Variants in SEMA3F observed in about 807,000 individuals in gnomAD.
SEMA3F encodes the protein semaphorin-3F.
In SEMA3F, 30 loss-of-function variants were observed where a neutral mutation model predicts 98.5. That is an observed-to-expected ratio of 0.30 (90% CI 0.23 to 0.41). SEMA3F has a LOEUF of 0.41. Ranked by LOEUF, SEMA3F falls within the 10% of genes least tolerant of loss-of-function variation. The pLI, the probability that SEMA3F is intolerant of heterozygous loss-of-function variation, is 1.00. For missense variants in SEMA3F, 866 were observed against 1,119.3 expected (o/e 0.77, Z 3.23); for synonymous variants, 380 against 444.8 (o/e 0.85, Z 1.83).
At position 50,182,897 on chromosome 3, in the gene SEMA3F, C is replaced by A. The variant is rs1230570656; in HGVS notation, c.904-7C>A. 1.2e-6 allele frequency: 2 copies of A among 1,613,336 alleles called. No individual in the cohort carries two copies. The highest frequency in any genetic ancestry group is 1.3e-5 in the African/African-American group (1 of 75,048). On this transcript the variant is annotated splice_polypyrimidine_tract_variant and splice_region_variant and intron_variant, in intron 9 of 18. Transcript: ENST00000002829. The surrounding 1 kb of genome is among the most constrained non-coding windows in gnomAD (Gnocchi z 4.5). ...GATCTGACCCGGCCTCTTGCCCCAC[C>A]CCCCAGAACGATGACGGTGGTCACT...
At chr3:50,179,421 G>A (rs1343542021) in intron 7 of SEMA3F, among the ~76,000 whole-genome samples, 1 of 151,884 alleles carries the variant, frequency 6.6e-6, no homozygotes, top group South Asian at 2.1e-4. Context: ...TGCCTCCTGG[G>A]TTCAAGCGAT....
At position 50,159,682 on chromosome 3, in the gene SEMA3F, C is replaced by T; in HGVS notation, c.60C>T (p.Phe20=). The change falls in exon 2 of 19, where the codon TTC becomes TTT. Residue 20 remains phenylalanine (F), a synonymous_variant. Coordinates refer to ENST00000002829, the MANE Select transcript of SEMA3F (RefSeq NM_004186.5). ...TACTGACCGGGGCCTGGCCATCCTTCCCCACCCAGGACCACCTCCCGGCCA... is the reference window on the plus strand; with the variant it reads ...TACTGACCGGGGCCTGGCCATCCTTTCCCACCCAGGACCACCTCCCGGCCA... The part of the protein sequence containing the change: ...ASLLTGAWPS[F]PTQDHLPATP... 1 of 1,613,160 alleles carries T rather than the reference C, an allele frequency of 6.2e-7. No individual in the cohort carries two copies. The highest frequency in any genetic ancestry group is 8.5e-7 in the Non-Finnish European group (1 of 1,179,684).
rs1449943960 is a variant in SEMA3F at position 50,182,306 on chromosome 3, G to A, written c.666G>A (p.Val222=). The change falls in exon 8 of 19, where the codon GTG becomes GTA. Residue 222 remains valine, a synonymous_variant. Transcript: ENST00000002829. This position sits in a 1 kb window ranked among gnomAD's most constrained non-coding sequence, Gnocchi z 4.5. Reference sequence around the variant, plus strand: ...CAGATGAGGAGCTCTATGCTGGTGTGTACATCGATTTTATGGGCACTGATG... The same window carrying A: ...CAGATGAGGAGCTCTATGCTGGTGTATACATCGATTTTATGGGCACTGATG... ...ALINEELYAG[V]YIDFMGTDAA... 4 of 1,614,118 alleles carry A rather than the reference G, an allele frequency of 2.5e-6. No homozygotes were observed. Among genetic ancestry groups the A allele is most frequent in the Non-Finnish European group, 3.4e-6 (4 of 1,180,042 alleles).
At chr3:50,185,330 C>A in intron 13 of SEMA3F, 113 bp from the exon 14 acceptor site, 1 of 963,724 alleles carries the variant, frequency 1.0e-6, no homozygotes, top group Non-Finnish European at 1.6e-6. Context: ...TGGCACAAAG[C>A]TCCAGCTCCA....
At position 50,158,584 on chromosome 3, in the gene SEMA3F, G is replaced by C. The variant is rs1169769606; in HGVS notation, c.-48-991G>C. ...ATGGGCCTGGGGTCCTGCCTGCCAC[G>C]GAAGAAGGGAGTACACAGGGCAGAT... On this transcript the variant is annotated intron_variant, in intron 1 of 18. Coordinates refer to ENST00000002829, the MANE Select transcript of SEMA3F (RefSeq NM_004186.5). This position sits in a 1 kb window ranked among gnomAD's most constrained non-coding sequence, Gnocchi z 4.8. Among the ~76,000 whole-genome samples the C allele has an allele frequency of 6.6e-6, 1 of 152,206 alleles. No individual in the cohort carries two copies. The highest frequency in any genetic ancestry group is 6.5e-5 in the Admixed American group (1 of 15,284).
chr3:50,170,029 G>A (rs1326209000), intron 2 of SEMA3F, among the ~76,000 whole-genome samples: 2 of 152,166 alleles, frequency 1.3e-5, no homozygotes, highest in Non-Finnish European at 2.9e-5. Context: ...CCTGTGACCT[G>A]GGTTGAGTAC....
At position 50,188,869 on chromosome 3, in the gene SEMA3F, G is replaced by T. The variant is rs1699337619; in HGVS notation, c.*754G>T. ...GCTGACGGGAGGCCCCAGCTCTGAG[G>T]GGAGGGGGTCCGTGGTAGAGGCCTG... On this transcript the variant is annotated 3_prime_UTR_variant, in exon 19 of 19. Transcript: ENST00000002829. The surrounding 1 kb of genome is among the most constrained non-coding windows in gnomAD (Gnocchi z 4.5). The T allele has an allele frequency of 6.6e-6, 1 of 152,576 alleles. No homozygotes were observed. Among genetic ancestry groups the T allele is most frequent in the Admixed American group, 6.5e-5 (1 of 15,296 alleles). The allele number at this position is 152,576 out of a possible 1,614,324, so 9.5% of individuals were successfully genotyped here.
chr3:50,175,967 A>G (rs1260897463), intron 6 of SEMA3F, among the ~76,000 whole-genome samples: 3 of 151,768 alleles, frequency 2.0e-5, no homozygotes, highest in Admixed American at 1.3e-4. Flanking sequence ...ACCTGCTGCC[A>G]CCTCCTCCTG....
In SEMA3F at chr3:50,176,880, C is replaced by T. The variant is rs370931293; in HGVS notation, c.643+19C>T. 3.0e-5 allele frequency: 48 copies of T among 1,588,200 alleles called. No individual in the cohort carries two copies. Among genetic ancestry groups the T allele is most frequent in the African/African-American group, 1.6e-4 (12 of 74,426 alleles). ...CTCATCAGTGAGTGCCCCCCAACCCCGCTCTACAGTCTCAATGTGTGGCCT... is the reference window on the plus strand; with the variant it reads ...CTCATCAGTGAGTGCCCCCCAACCCTGCTCTACAGTCTCAATGTGTGGCCT... On this transcript the variant is annotated intron_variant, in intron 7 of 18. Transcript: ENST00000002829.
Position 50,156,336 on chromosome 3 carries a change from G to GAGGC in SEMA3F, c.-49+772_-49+773insAGGC, listed in dbSNP as rs1697982062. Among the ~76,000 whole-genome samples, 1 of 152,264 alleles carries GAGGC rather than the reference G, an allele frequency of 6.6e-6. No individual in the cohort carries two copies. Among genetic ancestry groups the GAGGC allele is most frequent in the Non-Finnish European group, 1.5e-5 (1 of 68,044 alleles). Reference sequence around the variant, plus strand: ...AAAGTTGGCCTAGGAATGAGGCAGTGCTGGCGGGAGTTGGCTGGAGCTGGG... The same window carrying GAGGC: ...AAAGTTGGCCTAGGAATGAGGCAGTGAGGCCTGGCGGGAGTTGGCTGGAGCTGGG... On this transcript the variant is annotated intron_variant, in intron 1 of 18. Coordinates refer to ENST00000002829, the MANE Select transcript of SEMA3F (RefSeq NM_004186.5). The surrounding 1 kb of genome is among the most constrained non-coding windows in gnomAD (Gnocchi z 4.5).
chr3:50,187,566 C>T, intron 18 of SEMA3F, 139 bp from the exon 19 acceptor site: 1 of 554,598 alleles, frequency 1.8e-6, no homozygotes, highest in South Asian at 3.5e-5. Context: ...GTAGAAACTT[C>T]ATGTGGTTTT....
At position 50,186,272 on chromosome 3, in the gene SEMA3F, C is replaced by T. The variant is rs769085114; in HGVS notation, c.1746-9C>T. The stretch of plus-strand genomic sequence containing the variant: ...TGGGAGCACTCCTTCAGGGGCTATC[C>T]TCATCCAGGCGGAGCCGCCGGCAGG... On this transcript the variant is annotated splice_polypyrimidine_tract_variant and intron_variant, in intron 16 of 18. Transcript: ENST00000002829. 10 of 1,613,258 alleles carry T rather than the reference C, an allele frequency of 6.2e-6. No individual in the cohort carries two copies. In the Admixed American group the frequency reaches 1.7e-4, roughly 27 times the overall value.
rs1699220586 is a variant in SEMA3F, at chr3:50,186,528, G to T, written c.1814-85G>T. On this transcript the variant is annotated intron_variant, in intron 17 of 18. Coordinates refer to ENST00000002829, the MANE Select transcript of SEMA3F (RefSeq NM_004186.5). ...AACACAGAGCACTACATTGGTGAGT[G>T]GGTGCCCCTCGGTGCCTGCCCCGAA... 3 of 1,511,320 alleles carry T rather than the reference G, an allele frequency of 2.0e-6. No homozygotes were observed. The South Asian group carries it at 3.7e-5, about 19-fold the overall frequency. 93.6% of individuals were successfully genotyped at this position (1,511,320 alleles called of 1,614,324 possible).
intron 7 of SEMA3F, among the ~76,000 whole-genome samples, chr3:50,181,767 C>T (rs928017421): frequency 1.1e-4 from 17 of 152,098 alleles, no homozygotes; most frequent in African/African-American, 7.2e-5. Flanking sequence ...ATTACAGGCA[C>T]CTGCCACCAT....
In SEMA3F at chr3:50,182,829, G is replaced by T; in HGVS notation, c.903+46G>T. On this transcript the variant is annotated intron_variant, in intron 9 of 18. Transcript: ENST00000002829. This position sits in a 1 kb window ranked among gnomAD's most constrained non-coding sequence, Gnocchi z 4.5. The stretch of plus-strand genomic sequence containing the variant: ...CAGGCTGCCCCTTCCACCAGTTCTG[G>T]CTTCATCAGCCCTGCTCCAGCCAGG... 1 of 1,611,128 alleles carries T rather than the reference G, an allele frequency of 6.2e-7. No homozygotes were observed. The highest frequency in any genetic ancestry group is 8.5e-7 in the Non-Finnish European group (1 of 1,178,584).
chr3:50,185,654 A>G lies in SEMA3F; in HGVS notation c.1546-12A>G. On this transcript the variant is annotated splice_polypyrimidine_tract_variant and intron_variant, in intron 14 of 18. Transcript: ENST00000002829. ...TCCCTGGCATCCCAAGCTGATCTTT[A>G]TCTTTTTCTAGGATCCAGCACCCGT... 2 of 1,614,104 alleles carry G rather than the reference A, an allele frequency of 1.2e-6. No homozygotes were observed. The highest frequency in any genetic ancestry group is 8.5e-7 in the Non-Finnish European group (1 of 1,179,982).
chr3:50,157,902 C>T (rs532068284), intron 1 of SEMA3F, among the ~76,000 whole-genome samples: 2 of 152,272 alleles, frequency 1.3e-5, no homozygotes, highest in South Asian at 4.1e-4. Flanking sequence ...GCCCCCGTTA[C>T]ATAGTATCGA....
chr3:50,182,615 C>T lies in SEMA3F; in HGVS notation c.764-29C>T. On this transcript the variant is annotated intron_variant, in intron 8 of 18. Coordinates refer to ENST00000002829, the MANE Select transcript of SEMA3F (RefSeq NM_004186.5). This position sits in a 1 kb window ranked among gnomAD's most constrained non-coding sequence, Gnocchi z 4.5. ...ATCAGGGGCACCATCAGAGTAGGGG[C>T]TCACCCAGCTGACCCCTGCCACCTG... The T allele has an allele frequency of 1.2e-6, 2 of 1,606,028 alleles. No homozygotes were observed. The highest frequency in any genetic ancestry group is 1.7e-6 in the Non-Finnish European group (2 of 1,174,432).
chr3:50,162,661 G>T (rs1162627783), intron 2 of SEMA3F, among the ~76,000 whole-genome samples: 1 of 152,218 alleles, frequency 6.6e-6, no homozygotes, highest in African/African-American at 2.4e-5. Context: ...GCAGGGAGGT[G>T]TGAGGGCCCT....
Sources: allele counts gnomAD v4.1 joint callset (sites outside exome capture counted in the v4.1 genomes callset), GRCh38; gene constraint gnomAD v4.1.1; non-coding constraint Gnocchi (gnomAD v3.1); transcripts MANE v1.5; gene names NCBI Gene and HGNC (gene_info 2026-07-23, HGNC 2026-07-21).